Variants in LRBA observed in about 807,000 individuals in gnomAD.
The protein encoded by LRBA is lipopolysaccharide-responsive and beige-like anchor protein.
Under a neutral mutation model 330.0 loss-of-function variants are expected in LRBA, and 176 were observed. That is an observed-to-expected ratio of 0.53 (90% CI 0.47 to 0.60). LRBA has a LOEUF of 0.60. Ranked by LOEUF, LRBA falls within the 20% of genes least tolerant of loss-of-function variation. LRBA has a pLI of 0.00. For missense variants in LRBA, 3,259 were observed against 3,444.8 expected, an observed-to-expected ratio of 0.95 and a Z score of 1.35; for synonymous variants, 1,230 against 1,193.0, an observed-to-expected ratio of 1.03 and a Z score of -0.64.
intron 36 of LRBA, among the ~76,000 whole-genome samples, chr4:150,716,595 A>C (rs1387498065): frequency 6.6e-6 from 1 of 152,122 alleles, no homozygotes; most frequent in Non-Finnish European, 1.5e-5. Flanking sequence ...AAAATACTTC[A>C]TTTTTATAAT....
At chr4:150,922,019 G>A (rs549182527) in intron 4 of LRBA, among the ~76,000 whole-genome samples, 15 of 151,998 alleles carry the variant, frequency 9.9e-5, no homozygotes, top group South Asian at 8.3e-4. Context: ...CACTGTGCCC[G>A]GCCTATATTT....
intron 49 of LRBA, among the ~76,000 whole-genome samples, chr4:150,324,196 C>CAGTGA (rs955943267): frequency 6.6e-6 from 1 of 152,166 alleles, no homozygotes; most frequent in African/African-American, 2.4e-5. Flanking sequence ...GAAGGCTGGG[C>CAGTGA]AGTGACCCCA....
Position 150,265,589 on chromosome 4 carries a change from AATT to A in LRBA, c.*130_*132del. 1 of 616,330 alleles carries A rather than the reference AATT, an allele frequency of 1.6e-6. No individual in the cohort carries two copies. 38.2% of individuals were successfully genotyped at this position (616,330 alleles called of 1,614,324 possible). A position where few individuals can be genotyped will look rare whatever the true frequency, so the allele number is the denominator to read the frequency against. Reference sequence around the variant, plus strand: ...GTCAAGCAAAGACTACAAAAATAGCAATTATTAATAACTTTAAAAAATATTTTG... The same window carrying A: ...GTCAAGCAAAGACTACAAAAATAGCAATTAATAACTTTAAAAAATATTTTG... On this transcript the variant is annotated 3_prime_UTR_variant, in exon 57 of 57. Transcript: ENST00000651943.
In LRBA at chr4:150,806,355, G is replaced by A. The variant is rs368625168; in HGVS notation, c.5434C>T (p.Arg1812Cys). ...HALEKAAPLLREIFVDFAPFL... is the reference protein window; with the variant it reads ...HALEKAAPLLCEIFVDFAPFL... ...GGTGCAAAATCCACAAAAATCTCAC[G>A]AAGGAGAGGAGCTGCCTTTTCCAAA... is the stretch of plus-strand genomic sequence containing the variant. The change falls in exon 33 of 57, where the codon CGT (arginine) becomes TGT (cysteine). Residue 1812 changes from arginine (R) to cysteine (C), a missense_variant. Physicochemically the swap from Arg to Cys is radical, Grantham distance 180. Coordinates refer to ENST00000651943, the MANE Select transcript of LRBA (RefSeq NM_001364905.1). 1.4e-5 allele frequency: 22 copies of A among 1,610,680 alleles called. No homozygotes were observed. The highest frequency in any genetic ancestry group is 1.6e-4 in the Middle Eastern group (1 of 6,068).
At chr4:150,777,225 T>A (rs938695988) in intron 34 of LRBA, among the ~76,000 whole-genome samples, 1 of 151,976 alleles carries the variant, frequency 6.6e-6, no homozygotes, top group Non-Finnish European at 1.5e-5. Context: ...TCCCAAAGTG[T>A]TGGGAATATT....
intron 28 of LRBA, chr4:150,841,037 T>A: frequency 3.3e-6 from 4 of 1,208,296 alleles, no homozygotes; most frequent in Non-Finnish European, 4.3e-6. Flanking sequence ...CAGGTTCATA[T>A]GTAATGACTT....
intron 34 of LRBA, among the ~76,000 whole-genome samples, chr4:150,763,320 A>G (rs528430270): frequency 1.3e-5 from 2 of 151,934 alleles, no homozygotes; most frequent in African/African-American, 2.4e-5. Flanking sequence ...ATTATCTTCT[A>G]AAAGTGTATT....
intron 4 of LRBA, 78 bp from the exon 5 acceptor site, chr4:150,921,371 C>A: frequency 1.2e-6 from 1 of 834,868 alleles, no homozygotes. Context: ...TATAGTCTTG[C>A]TGTAATATAT....
At chr4:150,538,255 C>T (rs1484179238) in intron 40 of LRBA, among the ~76,000 whole-genome samples, 3 of 152,120 alleles carry the variant, frequency 2.0e-5, no homozygotes, top group Non-Finnish European at 4.4e-5. Flanking sequence ...GAAAACAGAA[C>T]TACCATTTGA....
intron 37 of LRBA, among the ~76,000 whole-genome samples, chr4:150,680,158 T>G (rs1782927447): frequency 6.6e-6 from 1 of 152,188 alleles, no homozygotes; most frequent in Non-Finnish European, 1.5e-5. Context: ...CTTATCAAGC[T>G]CTCTCAGTTT....
intron 37 of LRBA, among the ~76,000 whole-genome samples, chr4:150,616,312 G>C (rs1417348156): frequency 6.6e-6 from 1 of 152,148 alleles, no homozygotes; most frequent in East Asian, 1.9e-4. Flanking sequence ...AGTAAGGCCT[G>C]TACCAGCTCA....
At chr4:150,885,858 T>TCC (rs1382511935) in intron 17 of LRBA, among the ~76,000 whole-genome samples, 2 of 151,978 alleles carry the variant, frequency 1.3e-5, no homozygotes, top group East Asian at 1.9e-4. Flanking sequence ...AGGATAAGTA[T>TCC]CCTCTAAAAA....
At chr4:150,747,873 A>G (rs1383296161) in intron 35 of LRBA, among the ~76,000 whole-genome samples, 1 of 152,114 alleles carries the variant, frequency 6.6e-6, no homozygotes, top group African/African-American at 2.4e-5. Context: ...TCCTGTGTTT[A>G]TATCTCTAAC....
chr4:150,665,213 C>G (rs1781461675), intron 37 of LRBA, among the ~76,000 whole-genome samples: 1 of 152,136 alleles, frequency 6.6e-6, no homozygotes, highest in Non-Finnish European at 1.5e-5. Context: ...ACTCAGCTCC[C>G]AAGGTTTTCA....
chr4:150,738,232 C>A (rs1049471185), intron 35 of LRBA, among the ~76,000 whole-genome samples: 3 of 151,878 alleles, frequency 2.0e-5, no homozygotes, highest in African/African-American at 7.3e-5. Flanking sequence ...CTCAGGTGAT[C>A]CGCCCGCCTT....
At chr4:150,658,940 AGCCCCT>A (rs1322616383) in intron 37 of LRBA, among the ~76,000 whole-genome samples, 1 of 58,508 alleles carries the variant, frequency 1.7e-5, no homozygotes, top group Non-Finnish European at 4.9e-5. Context: ...GCCGGTCTCC[AGCCCCT>A]AACCGCGAGT....
At chr4:150,954,164 C>A (rs1469473826) in intron 2 of LRBA, among the ~76,000 whole-genome samples, 1 of 150,696 alleles carries the variant, frequency 6.6e-6, no homozygotes. Context: ...AGCCCCCGCC[C>A]GGCCAGCCGC....
At chr4:150,515,314 C>T (rs1215111745) in intron 40 of LRBA, among the ~76,000 whole-genome samples, 1 of 152,074 alleles carries the variant, frequency 6.6e-6, no homozygotes, top group Non-Finnish European at 1.5e-5. Context: ...AACATTGCAT[C>T]ATCATTTACT....
chr4:150,712,277 C>T (rs563683715), intron 36 of LRBA, among the ~76,000 whole-genome samples: 1 of 152,172 alleles, frequency 6.6e-6, no homozygotes, highest in East Asian at 1.9e-4. Context: ...ATCATAGCTA[C>T]TATTAATGTT....
Sources: gnomAD v4.1 joint callset for allele counts (sites outside exome capture counted in the v4.1 genomes callset) on GRCh38, gnomAD v4.1.1 for gene constraint, MANE v1.5 for transcripts, NCBI Gene and HGNC (gene_info 2026-07-23, HGNC 2026-07-21) for gene names.